The following TEK variants were observed in gnomAD, a reference collection of about 807,000 sequenced individuals.
The protein encoded by TEK is TEK receptor tyrosine kinase.
TEK carries 43 observed loss-of-function variants against 131.8 expected under a neutral mutation model. The observed-to-expected ratio is 0.33, with a 90% CI of 0.26 to 0.42. The LOEUF (loss-of-function observed/expected upper bound fraction) is 0.42, where lower values mean the gene tolerates loss of function less well. Among genes scored for constraint, TEK ranks in the 10% least tolerant of loss-of-function variants. The pLI is 1.00. For missense variants in TEK, 1,162 were observed against 1,384.4 expected (o/e 0.84, Z 2.55); for synonymous variants, 580 against 491.6 (o/e 1.18, Z -2.38).
chr9:27,193,505 C>T (rs4879250), intron 11 of TEK, among the ~76,000 whole-genome samples: 50,820 of 151,946 alleles, frequency 0.33, 9,319 homozygotes, highest in Admixed American at 0.45. Context: ...TTAATTAACT[C>T]TGTGAAGCCT....
chr9:27,114,899 C>G (rs1350131464), intron 1 of TEK, among the ~76,000 whole-genome samples: 1 of 152,122 alleles, frequency 6.6e-6, no homozygotes, highest in East Asian at 1.9e-4. Flanking sequence ...TACTGTGTGC[C>G]AATCATTCAT....
At chr9:27,187,392 C>CTT (rs1394324621) in intron 9 of TEK, among the ~76,000 whole-genome samples, 1 of 152,200 alleles carries the variant, frequency 6.6e-6, no homozygotes, top group Non-Finnish European at 1.5e-5. Context: ...AAACTGGCAA[C>CTT]TTGTACTAAA....
chr9:27,150,258 T>C, intron 1 of TEK, among the ~76,000 whole-genome samples: 1 of 152,154 alleles, frequency 6.6e-6, no homozygotes, highest in East Asian at 1.9e-4. Context: ...ACCACTACCC[T>C]TTGTGCAATC....
intron 1 of TEK, among the ~76,000 whole-genome samples, chr9:27,113,640 A>G (rs1821435618): frequency 6.6e-6 from 1 of 152,164 alleles, no homozygotes; most frequent in African/African-American, 2.4e-5. Context: ...TCAAAAGAGA[A>G]GTGTTGCTAT....
chr9:27,196,524 C>A (rs1206035867), intron 11 of TEK, among the ~76,000 whole-genome samples: 1 of 152,160 alleles, frequency 6.6e-6, no homozygotes, highest in Admixed American at 6.6e-5. Context: ...TCTGTACTTG[C>A]ATTGCTATAA....
chr9:27,220,275 G>GGT, intron 21 of TEK, 130 bp downstream of exon 21: 4 of 765,020 alleles, frequency 5.2e-6, no homozygotes, highest in Non-Finnish European at 9.2e-6. Flanking sequence ...ATCCCAAATA[G>GGT]GAACCCCTCC....
intron 1 of TEK, among the ~76,000 whole-genome samples, chr9:27,141,775 T>C (rs1412575749): frequency 3.9e-5 from 6 of 152,214 alleles, no homozygotes. Flanking sequence ...TGGATATACT[T>C]CCATTACATG....
chr9:27,186,735 A>G (rs1375439867), intron 9 of TEK, among the ~76,000 whole-genome samples: 1 of 152,188 alleles, frequency 6.6e-6, no homozygotes, highest in African/African-American at 2.4e-5. Context: ...GTTGATTTGT[A>G]TTTGGCCCCC....
intron 1 of TEK, among the ~76,000 whole-genome samples, chr9:27,112,884 G>A (rs1020461561): frequency 1.3e-5 from 2 of 152,338 alleles, no homozygotes; most frequent in Non-Finnish European, 2.9e-5. Flanking sequence ...CTGGTTTGTT[G>A]AAAGTTCTTG....
rs534867466 is a variant in TEK at position 27,185,539 on chromosome 9, C to T, written c.1237C>T (p.Arg413Trp). The T allele has an allele frequency of 9.2e-5, 149 of 1,613,792 alleles. 4 individuals are homozygous for T. In the South Asian group the frequency reaches 1.5e-3, roughly 16 times the overall value. Residue 413 changes from arginine to tryptophan, a missense_variant, in exon 9 of 23, where the codon CGG becomes TGG. Around this residue, in one of 6 missense-constraint regions of TEK, gnomAD observed 436 missense variants for 539.1 expected, o/e 0.81. Coordinates refer to ENST00000380036, the MANE Select transcript of TEK (RefSeq NM_000459.5). ...HFSVAIFTIH[R>W]ILPPDSGVWV... ...CTCAGTAGCCATATTCACCATCCAC[C>T]GGATCCTCCCCCCTGACTCAGGAGT... is the stretch of plus-strand genomic sequence containing the variant.
chr9:27,191,853 T>G (rs1315034033), intron 10 of TEK: 8 of 444,848 alleles, frequency 1.8e-5, no homozygotes, highest in Admixed American at 1.2e-4. Flanking sequence ...TTCTAAGAAC[T>G]GTTAAACACA....
At chr9:27,180,110 A>C in intron 6 of TEK, 130 bp from the exon 7 acceptor site, 2 of 1,349,182 alleles carry the variant, frequency 1.5e-6, no homozygotes, top group Non-Finnish European at 2.1e-6. Context: ...AATTCAGATA[A>C]ATTACCCCCT....
chr9:27,229,466 T>C lies in TEK; in HGVS notation c.*234T>C. The C allele has an allele frequency of 1.8e-6, 1 of 558,248 alleles. No homozygotes were observed. Among genetic ancestry groups the C allele is most frequent in the Middle Eastern group, 4.8e-4 (1 of 2,088 alleles). The allele number at this position is 558,248 out of a possible 1,614,324, so 34.6% of individuals were successfully genotyped here. Reference sequence around the variant, plus strand: ...GGGCTGAAATCAGAATGCCTGTTTGTGGTTTCATATGCAATAATATATTTT... The same window carrying C: ...GGGCTGAAATCAGAATGCCTGTTTGCGGTTTCATATGCAATAATATATTTT... On this transcript the variant is annotated 3_prime_UTR_variant, in exon 23 of 23. Transcript: ENST00000380036.
At chr9:27,217,880 G>C in intron 19 of TEK, 122 bp downstream of exon 19, 6 of 866,944 alleles carry the variant, frequency 6.9e-6, no homozygotes, top group Non-Finnish European at 1.1e-5. Flanking sequence ...TAACTAAAAA[G>C]CTCAGGAAAT....
In TEK at chr9:27,127,797, A is replaced by C. The variant is rs572794456; in HGVS notation, c.52+18155A>C. ...CTTCTTTTGAGAAGTGTCTGTTTAT[A>C]TCCTTTACCCAATTTTGATGGGGTT... On this transcript the variant is annotated intron_variant, in intron 1 of 22. Coordinates refer to ENST00000380036, the MANE Select transcript of TEK (RefSeq NM_000459.5). 2.8e-4 allele frequency among the ~76,000 whole-genome samples: 43 copies of C among 152,282 alleles called. 1 individual carries two copies. The highest frequency in any genetic ancestry group is 4.6e-4 in the Admixed American group (7 of 15,292).
intron 11 of TEK, 67 bp downstream of exon 11, chr9:27,192,690 G>A (rs536614342): frequency 1.4e-4 from 183 of 1,275,114 alleles, no homozygotes; most frequent in Non-Finnish European, 1.9e-4. Context: ...GAAAGAGGAA[G>A]GAAGACCAGG....
Position 27,192,621 on chromosome 9 carries a change from T to C in TEK, c.1622T>C (p.Ile541Thr). ...GTGAGACGCTTCACAACAGCTTCTA[T>C]CGGTCAGTGGAAGCCAACAGGCATT... is the stretch of plus-strand genomic sequence containing the variant. ...GPVRRFTTASIGLPPPRGLNL... is the reference protein window; with the variant it reads ...GPVRRFTTASTGLPPPRGLNL... Residue 541 changes from isoleucine to threonine, a missense_variant and splice_region_variant, in exon 11 of 23, where the codon ATC becomes ACC. Ile to Thr is a moderately conservative substitution (Grantham distance 89). Transcript: ENST00000380036. The C allele has an allele frequency of 6.3e-7, 1 of 1,587,188 alleles. No individual in the cohort carries two copies. Among genetic ancestry groups the C allele is most frequent in the Non-Finnish European group, 8.6e-7 (1 of 1,164,416 alleles).
Position 27,217,705 on chromosome 9 carries a change from C to G in TEK, c.3009C>G (p.Arg1003=), listed in dbSNP as rs1292002493. ...CTCTCCAGGGAAGGCTCCCAGTGCGCTGGATGGCCATCGAGTCACTGAATT... is the reference window on the plus strand; with the variant it reads ...CTCTCCAGGGAAGGCTCCCAGTGCGGTGGATGGCCATCGAGTCACTGAATT... ...VKKTMGRLPV[R]WMAIESLNYS... is the part of the protein sequence containing the mutation. The change falls in exon 19 of 23, where the codon CGC becomes CGG. Residue 1003 remains arginine (R), a synonymous_variant. Transcript: ENST00000380036. 1 of 1,613,738 alleles carries G rather than the reference C, an allele frequency of 6.2e-7. No homozygotes were observed. Among genetic ancestry groups the G allele is most frequent in the African/African-American group, 1.3e-5 (1 of 74,910 alleles).
Position 27,185,613 on chromosome 9 carries a change from C to T in TEK, c.1311C>T (p.Phe437=), listed in dbSNP as rs780743521. ...NTVAGMVEKP[F]NISVKVLPKP... is the part of the protein sequence containing the mutation. The stretch of plus-strand genomic sequence containing the variant: ...TGGCTGGGATGGTGGAAAAGCCCTT[C>T]AACATTTCTGTTAAAGGTAAGTTCA... Residue 437 remains phenylalanine, a synonymous_variant, in exon 9 of 23, where the codon TTC becomes TTT. Coordinates refer to ENST00000380036, the MANE Select transcript of TEK (RefSeq NM_000459.5). The T allele has an allele frequency of 1.2e-6, 2 of 1,613,692 alleles. No individual in the cohort carries two copies. Among genetic ancestry groups the T allele is most frequent in the Admixed American group, 3.3e-5 (2 of 59,968 alleles).
Sources: allele counts gnomAD v4.1 joint callset (sites outside exome capture counted in the v4.1 genomes callset), GRCh38; gene constraint gnomAD v4.1.1; regional missense constraint gnomAD v4.1.1; transcripts MANE v1.5; gene names NCBI Gene and HGNC (gene_info 2026-07-23, HGNC 2026-07-21).